Variants in USP48 observed in about 807,000 individuals in gnomAD.
USP48 encodes the protein ubiquitin carboxyl-terminal hydrolase 48.
Under a neutral mutation model 150.7 loss-of-function variants are expected in USP48, and 43 were observed. The observed-to-expected ratio is 0.29, with a 90% CI of 0.22 to 0.37. The LOEUF (loss-of-function observed/expected upper bound fraction) is 0.37. Ranked by LOEUF, USP48 falls within the 10% of genes least tolerant of loss-of-function variation. The pLI is 1.00. For missense variants in USP48, 813 were observed against 1,249.6 expected (o/e 0.65, Z 5.27); for synonymous variants, 396 against 425.9 (o/e 0.93, Z 0.86).
At chr1:21,681,745 C>G (rs2097566486) in intron 25 of USP48, among the ~76,000 whole-genome samples, 1 of 152,156 alleles carries the variant, frequency 6.6e-6, no homozygotes, top group Non-Finnish European at 1.5e-5. Flanking sequence ...CAGTTGAATG[C>G]CTTGGTGCAC....
chr1:21,773,188 G>C (rs772710532), intron 1 of USP48, among the ~76,000 whole-genome samples: 8 of 138,350 alleles, frequency 5.8e-5, no homozygotes, highest in Non-Finnish European at 1.2e-4. Flanking sequence ...CCAGGAAGCA[G>C]AGGTTGCAGC....
At chr1:21,771,776 G>A (rs1041788499) in intron 1 of USP48, among the ~76,000 whole-genome samples, 3 of 135,642 alleles carry the variant, frequency 2.2e-5, no homozygotes, top group South Asian at 2.5e-4. Context: ...AAAATTAGCC[G>A]GGCGTGGTGG....
chr1:21,777,972 CAAAAAAAA>C (rs34374350), intron 1 of USP48, among the ~76,000 whole-genome samples: 23 of 118,896 alleles, frequency 1.9e-4, no homozygotes, highest in African/African-American at 5.3e-4. Context: ...CTAAATATAC[CAAAAAAAA>C]AAAAAAAAAA....
Position 21,783,011 on chromosome 1 carries a change from G to A in USP48, c.-54C>T. The A allele has an allele frequency of 6.9e-7, 1 of 1,458,886 alleles. No homozygotes were observed. The highest frequency in any genetic ancestry group is 9.0e-7 in the Non-Finnish European group (1 of 1,115,908). 90.4% of individuals were successfully genotyped at this position (1,458,886 alleles called of 1,614,324 possible). ...CCAGACCGCCGCAGCCGCCGCCGCG[G>A]TCTGCACCGCCGCCCCAATGGGCTT... is the stretch of plus-strand genomic sequence containing the variant. On this transcript the variant is annotated 5_prime_UTR_variant, in exon 1 of 27. Transcript: ENST00000308271.
chr1:21,719,860 AG>A (rs1286287985), intron 14 of USP48, among the ~76,000 whole-genome samples: 4 of 152,144 alleles, frequency 2.6e-5, no homozygotes, highest in African/African-American at 9.7e-5. Context: ...CTCCAGCCTG[AG>A]CAAAAAGAGC....
At chr1:21,684,397 TA>T (rs776093448) in intron 25 of USP48, among the ~76,000 whole-genome samples, 4 of 152,236 alleles carry the variant, frequency 2.6e-5, no homozygotes, top group Non-Finnish European at 5.9e-5. Context: ...GCATCTTTCA[TA>T]CACCTATTGG....
intron 8 of USP48, among the ~76,000 whole-genome samples, chr1:21,746,566 A>T (rs1281292332): frequency 6.6e-6 from 1 of 152,210 alleles, no homozygotes; most frequent in African/African-American, 2.4e-5. Context: ...AAGACTACCA[A>T]AAGAAAAAAG....
rs1334039489 is a variant in USP48, at chr1:21,783,041, A to G, written c.-84T>C. The stretch of plus-strand genomic sequence containing the variant: ...CACCGCCGCCCCAATGGGCTTCGCC[A>G]CCTGCCAGCAAGGAGGACCTGGCGC... On this transcript the variant is annotated 5_prime_UTR_variant, in exon 1 of 27. Transcript: ENST00000308271. The G allele has an allele frequency of 5.0e-6, 7 of 1,407,264 alleles. No individual in the cohort carries two copies. Among genetic ancestry groups the G allele is most frequent in the Non-Finnish European group, 6.4e-6 (7 of 1,090,584 alleles). 87.2% of individuals were successfully genotyped at this position (1,407,264 alleles called of 1,614,324 possible).
chr1:21,769,839 T>C (rs1049316751), intron 1 of USP48, among the ~76,000 whole-genome samples: 1 of 151,856 alleles, frequency 6.6e-6, no homozygotes, highest in Non-Finnish European at 1.5e-5. Flanking sequence ...TGTGATCACA[T>C]CATGTACTCC....
At chr1:21,766,218 T>C (rs79336300) in intron 1 of USP48, among the ~76,000 whole-genome samples, 364 of 152,004 alleles carry the variant, frequency 2.4e-3, no homozygotes, top group African/African-American at 8.5e-3. Context: ...ACTAAGAATA[T>C]AAAAATTAGC....
chr1:21,699,544 C>T lies in USP48; in HGVS notation c.2727+1954G>A, dbSNP rs190682553. On this transcript the variant is annotated intron_variant, in intron 22 of 26. Transcript: ENST00000308271. ...TTTATTTATTTTTGAGACGGAGTCT[C>T]GCTCTGTCACCCAGGCTGGAGTGCA... 2.0e-3 allele frequency among the ~76,000 whole-genome samples: 268 copies of T among 136,282 alleles called. 1 individual carries two copies. Among genetic ancestry groups the T allele is most frequent in the African/African-American group, 7.1e-3 (256 of 36,236 alleles). The allele number at this position is 136,282 out of a possible 152,430, so 89.4% of individuals were successfully genotyped here.
chr1:21,694,602 A>AAC lies in USP48; in HGVS notation c.2883+463_2883+464insGT, dbSNP rs1557429314. Among the ~76,000 whole-genome samples, 12 of 76,372 alleles carry AAC rather than the reference A, an allele frequency of 1.6e-4. No individual in the cohort carries two copies. In the South Asian group the frequency reaches 4.4e-3, roughly 28 times the overall value. 50.1% of individuals were successfully genotyped at this position (76,372 alleles called of 152,430 possible). A position where few individuals can be genotyped will look rare whatever the true frequency, so the allele number is the denominator to read the frequency against. The stretch of plus-strand genomic sequence containing the variant: ...AAAAAAAAAAAAAAAAAAAAAAAAA[A>AAC]AAAAACCCCCTCTATCTATCAAATA... On this transcript the variant is annotated intron_variant, in intron 23 of 26. Transcript: ENST00000308271.
chr1:21,721,889 G>A, intron 12 of USP48, 125 bp from the exon 13 acceptor site: 1 of 577,406 alleles, frequency 1.7e-6, no homozygotes, highest in South Asian at 3.7e-5. Flanking sequence ...TTGGCAATAT[G>A]GCAAATTGGT....
chr1:21,767,208 C>A (rs2097864285), intron 1 of USP48, among the ~76,000 whole-genome samples: 1 of 152,240 alleles, frequency 6.6e-6, no homozygotes, highest in Non-Finnish European at 1.5e-5. Flanking sequence ...CGCCACCACA[C>A]CCGGCTTTTT....
intron 8 of USP48, among the ~76,000 whole-genome samples, chr1:21,739,607 G>C (rs545303333): frequency 6.6e-6 from 1 of 150,946 alleles, no homozygotes; most frequent in African/African-American, 2.4e-5. Context: ...TTACATCATG[G>C]AATGATTAAA....
Position 21,747,082 on chromosome 1 carries a change from A to G in USP48, c.976T>C (p.Tyr326His). Residue 326 changes from tyrosine to histidine, a missense_variant, in exon 8 of 27, where the codon TAT becomes CAT. Physicochemically the swap from Tyr to His is moderately conservative, Grantham distance 83. Transcript: ENST00000308271. ...AAAATATTACCTTTATGTTCCACAT[A>G]AGGCTCCATATCCAAAATTTCTGAG... is the stretch of plus-strand genomic sequence containing the variant. ...GFSEILDMEP[Y>H]VEHKGGSYVY... 6.2e-7 allele frequency: 1 copy of G among 1,611,420 alleles called. No individual in the cohort carries two copies. The highest frequency in any genetic ancestry group is 8.5e-7 in the Non-Finnish European group (1 of 1,179,214).
chr1:21,773,112 A>C (rs1363822262), intron 1 of USP48, among the ~76,000 whole-genome samples: 1 of 151,326 alleles, frequency 6.6e-6, no homozygotes, highest in South Asian at 2.1e-4. Flanking sequence ...AAAATTACCC[A>C]GGCATAGTGG....
intron 8 of USP48, among the ~76,000 whole-genome samples, chr1:21,743,689 C>T (rs1201321511): frequency 6.6e-6 from 1 of 152,076 alleles, no homozygotes; most frequent in East Asian, 1.9e-4. Context: ...TTTAACTGTG[C>T]AACTGGGAGG....
intron 22 of USP48, among the ~76,000 whole-genome samples, chr1:21,697,551 T>C (rs1406930978): frequency 6.6e-6 from 1 of 150,790 alleles, no homozygotes; most frequent in Non-Finnish European, 1.5e-5. Context: ...TAGTCCCAGC[T>C]ACTTGGGAGG....
Sources: gnomAD v4.1 joint callset for allele counts (sites outside exome capture counted in the v4.1 genomes callset) on GRCh38, gnomAD v4.1.1 for gene constraint, MANE v1.5 for transcripts, NCBI Gene and HGNC (gene_info 2026-07-23, HGNC 2026-07-21) for gene names.